The following DPF3 variants were observed in gnomAD, a reference collection of about 807,000 sequenced individuals.
The protein encoded by DPF3 is zinc finger protein DPF3.
A neutral mutation model predicts 56.8 loss-of-function variants in DPF3; 18 were observed. The observed-to-expected ratio is 0.32, with a 90% CI of 0.22 to 0.47. The LOEUF (loss-of-function observed/expected upper bound fraction) is 0.47. Ranked by LOEUF, DPF3 falls within the 20% of genes least tolerant of loss-of-function variation. The probability of loss-of-function intolerance (pLI) is 1.00; values close to 1 mark genes in which losing one functional copy is unlikely to be tolerated. For missense variants in DPF3, 403 were observed against 488.8 expected, an observed-to-expected ratio of 0.82 and a Z score of 1.65; for synonymous variants, 188 against 180.2, an observed-to-expected ratio of 1.04 and a Z score of -0.35.
At chr14:72,646,122 C>A (rs1302648752) in intron 8 of DPF3, among the ~76,000 whole-genome samples, 1 of 152,196 alleles carries the variant, frequency 6.6e-6, no homozygotes, top group Non-Finnish European at 1.5e-5. Context: ...ACTGACTTCC[C>A]TCCTCTCTTT....
intron 8 of DPF3, among the ~76,000 whole-genome samples, chr14:72,650,888 A>G (rs1055925803): frequency 6.6e-6 from 1 of 152,120 alleles, no homozygotes; most frequent in Non-Finnish European, 1.5e-5. Context: ...AACTTCCACC[A>G]CTGATGTCGC....
At chr14:72,674,031 T>A (rs577079557) in intron 8 of DPF3, 1 of 683,698 alleles carries the variant, frequency 1.5e-6, no homozygotes, top group African/African-American at 1.8e-5. Context: ...AACTTCTCTT[T>A]GCCCTTTCCC....
chr14:72,878,238 T>C (rs571308245), intron 1 of DPF3, among the ~76,000 whole-genome samples: 1 of 152,134 alleles, frequency 6.6e-6, no homozygotes, highest in African/African-American at 2.4e-5. Flanking sequence ...ACAGAATTAT[T>C]TGGAGGACAT....
At chr14:72,855,044 G>A (rs779569911) in intron 1 of DPF3, among the ~76,000 whole-genome samples, 2 of 152,096 alleles carry the variant, frequency 1.3e-5, no homozygotes, top group Non-Finnish European at 2.9e-5. Flanking sequence ...AGACTACATA[G>A]GACTTGAAAG....
At chr14:72,671,183 G>A (rs779948602) in intron 8 of DPF3, 15 of 1,613,926 alleles carry the variant, frequency 9.3e-6, no homozygotes, top group Non-Finnish European at 1.3e-5. Context: ...CGGCCACTGC[G>A]GCGTCCTCGA....
chr14:72,743,754 T>C (rs576903152), intron 3 of DPF3, among the ~76,000 whole-genome samples: 106 of 152,364 alleles, frequency 7.0e-4, no homozygotes, highest in African/African-American at 2.5e-3. Flanking sequence ...CCACTCCCCC[T>C]TCACAAGGAC....
rs767727599 is a variant in DPF3, at chr14:72,615,237, G to T, written c.*4060C>A. 6.6e-6 allele frequency among the ~76,000 whole-genome samples: 1 copy of T among 152,054 alleles called. No individual in the cohort carries two copies. On this transcript the variant is annotated 3_prime_UTR_variant, in exon 11 of 11. Coordinates refer to ENST00000556509, the MANE Select transcript of DPF3 (RefSeq NM_001280542.3). Reference sequence around the variant, plus strand: ...GGGCCCGCCCTGGGCCACGGGCGGCGCAACACCCCCTACCTCCTCACACAC... The same window carrying T: ...GGGCCCGCCCTGGGCCACGGGCGGCTCAACACCCCCTACCTCCTCACACAC...
At chr14:72,689,204 T>A (rs957508235) in intron 7 of DPF3, among the ~76,000 whole-genome samples, 2 of 151,928 alleles carry the variant, frequency 1.3e-5, no homozygotes, top group African/African-American at 4.8e-5. Context: ...AAGACAAAGC[T>A]GGGGGGCGAT....
At chr14:72,715,431 G>C (rs1888875893) in intron 5 of DPF3, among the ~76,000 whole-genome samples, 1 of 152,164 alleles carries the variant, frequency 6.6e-6, no homozygotes, top group South Asian at 2.1e-4. Context: ...CTTTGGTAAT[G>C]AGTAGCAGTC....
intron 6 of DPF3, among the ~76,000 whole-genome samples, chr14:72,706,204 C>G (rs542400719): frequency 1.3e-5 from 2 of 152,288 alleles, no homozygotes; most frequent in South Asian, 4.2e-4. Context: ...CCCCCTACCC[C>G]TGGGCACACC....
At chr14:72,725,527 C>A (rs1889370360) in intron 4 of DPF3, among the ~76,000 whole-genome samples, 1 of 151,990 alleles carries the variant, frequency 6.6e-6, no homozygotes, top group Non-Finnish European at 1.5e-5. Context: ...GCAGAAAGGC[C>A]AGTGTGACCA....
chr14:72,748,421 T>G (rs780969786), intron 3 of DPF3, among the ~76,000 whole-genome samples: 1 of 151,264 alleles, frequency 6.6e-6, no homozygotes, highest in Non-Finnish European at 1.5e-5. Context: ...TTCAGTTTTA[T>G]AAGGGAAGCA....
intron 8 of DPF3, chr14:72,671,575 T>A: frequency 2.9e-6 from 2 of 683,590 alleles, no homozygotes; most frequent in Non-Finnish European, 5.4e-6. Flanking sequence ...AGTACATATG[T>A]CCACAGCTTC....
rs201113813 is a variant in DPF3, at chr14:72,851,830, C to A, written c.32+42227G>T. On this transcript the variant is annotated intron_variant, in intron 1 of 10. Transcript: ENST00000556509. ...GGGCAACGGGTAGGCAACCGATATG[C>A]CCAGAAAGGCGGCCAATGGGAGGAC... is the stretch of plus-strand genomic sequence containing the variant. Among the ~76,000 whole-genome samples, 17 of 152,326 alleles carry A rather than the reference C, an allele frequency of 1.1e-4. No homozygotes were observed. The East Asian group carries it at 3.1e-3, about 28-fold the overall frequency.
Position 72,619,214 on chromosome 14 carries a change from T to C in DPF3, c.*83A>G. 7.4e-7 allele frequency: 1 copy of C among 1,355,284 alleles called. No homozygotes were observed. The highest frequency in any genetic ancestry group is 2.1e-5 in the Admixed American group (1 of 47,186). 84.0% of individuals were successfully genotyped at this position (1,355,284 alleles called of 1,614,324 possible). ...TCCTTGCAGTTGGTCTGGCTGGATA[T>C]GTGGGAGGAGGGCGCGTTCTGGTTT... On this transcript the variant is annotated 3_prime_UTR_variant, in exon 11 of 11. Transcript: ENST00000556509.
intron 1 of DPF3, among the ~76,000 whole-genome samples, chr14:72,856,974 AC>A (rs1216766987): frequency 6.6e-6 from 1 of 151,780 alleles, no homozygotes; most frequent in East Asian, 1.9e-4. Flanking sequence ...TGATTTGTTT[AC>A]CCTTTTTTCA....
intron 8 of DPF3, among the ~76,000 whole-genome samples, chr14:72,637,894 A>AG (rs376229863): frequency 0.51 from 77,677 of 151,896 alleles, 20,620 homozygotes; most frequent in East Asian, 0.77. Context: ...GCCCAGTCCG[A>AG]TCCAATGTCG....
intron 2 of DPF3, among the ~76,000 whole-genome samples, chr14:72,756,175 C>T (rs1254857991): frequency 6.6e-6 from 1 of 152,168 alleles, no homozygotes; most frequent in African/African-American, 2.4e-5. Flanking sequence ...GTAACCAAGG[C>T]CACTGCCACC....
intron 8 of DPF3, among the ~76,000 whole-genome samples, chr14:72,652,859 C>T (rs756267979): frequency 2.7e-4 from 41 of 152,114 alleles, no homozygotes; most frequent in Admixed American, 2.6e-4. Flanking sequence ...GGTGAGACCA[C>T]GCTGTACAAG....
Sources: allele counts gnomAD v4.1 joint callset (sites outside exome capture counted in the v4.1 genomes callset), GRCh38; gene constraint gnomAD v4.1.1; transcripts MANE v1.5; gene names NCBI Gene and HGNC (gene_info 2026-07-23, HGNC 2026-07-21).